The following ITSN1 variants were observed in gnomAD, a reference collection of about 807,000 sequenced individuals.
ITSN1 encodes the protein intersectin-1.
In ITSN1, 58 loss-of-function variants were observed where a neutral mutation model predicts 239.8. The observed-to-expected ratio is 0.24, with a 90% confidence interval of 0.20 to 0.30. The LOEUF is 0.30. Ranked by LOEUF, ITSN1 falls within the 10% of genes least tolerant of loss-of-function variation. The pLI is 1.00. For missense variants in ITSN1, 1,558 were observed against 2,103.3 expected, an observed-to-expected ratio of 0.74 and a Z score of 5.07; for synonymous variants, 780 against 770.8, an observed-to-expected ratio of 1.01 and a Z score of -0.20.
At chr21:33,813,498 G>A (rs1026745191) in intron 21 of ITSN1, among the ~76,000 whole-genome samples, 2 of 151,370 alleles carry the variant, frequency 1.3e-5, no homozygotes, top group African/African-American at 4.9e-5. Context: ...GATTACAGGG[G>A]TGCGCCACCA....
chr21:33,884,887 C>G (rs745979190), intron 36 of ITSN1, among the ~76,000 whole-genome samples, 154 bp from the exon 37 acceptor site: 1 of 152,186 alleles, frequency 6.6e-6, no homozygotes, highest in Non-Finnish European at 1.5e-5. Context: ...TAAGTATTAG[C>G]GTCACGTGAC....
rs2067835126 is a variant in ITSN1, at chr21:33,755,366, T to C, written c.693T>C (p.Ser231=). Residue 231 remains serine, a synonymous_variant, in exon 8 of 40, where the codon AGT becomes AGC. Transcript: ENST00000381318. ...SRLKYRQLFN[S]HDKTMSGHLT... Reference sequence around the variant, plus strand: ...TGAAATACAGGCAATTATTCAATAGTCATGACAAAACTATGAGTGGACACT... The same window carrying C: ...TGAAATACAGGCAATTATTCAATAGCCATGACAAAACTATGAGTGGACACT... 6.2e-7 allele frequency: 1 copy of C among 1,606,284 alleles called. No homozygotes were observed. Among genetic ancestry groups the C allele is most frequent in the South Asian group, 1.1e-5 (1 of 90,310 alleles).
rs76884806 is a variant in ITSN1 at position 33,722,509 on chromosome 21, G to T, written c.122-79G>T. On this transcript the variant is annotated intron_variant, in intron 3 of 39. Transcript: ENST00000381318. ...TATTACCAGCCTCTTTGTAAATTTT[G>T]TAATTTTGCTATTACAGGATTTCTG... The T allele has an allele frequency of 1.5e-3, 2,151 of 1,457,414 alleles. 31 individuals carry two copies. The African/African-American group carries it at 0.029, about 19-fold the overall frequency. 90.3% of individuals were successfully genotyped at this position (1,457,414 alleles called of 1,614,324 possible). A position where few individuals can be genotyped will look rare whatever the true frequency, so the allele number is the denominator to read the frequency against.
At chr21:33,777,171 G>T (rs959831136) in intron 14 of ITSN1, among the ~76,000 whole-genome samples, 1 of 152,130 alleles carries the variant, frequency 6.6e-6, no homozygotes, top group Non-Finnish European at 1.5e-5. Context: ...AAAGGTTGAG[G>T]TTTATATTTT....
chr21:33,879,703 A>G (rs732687), intron 34 of ITSN1, among the ~76,000 whole-genome samples: 89,284 of 151,992 alleles, frequency 0.59, 27,218 homozygotes, highest in African/African-American at 0.76. Context: ...TTTTTGAGAC[A>G]GAGTCTCACT....
At chr21:33,848,107 T>A (rs2075040575) in intron 29 of ITSN1, among the ~76,000 whole-genome samples, 1 of 152,210 alleles carries the variant, frequency 6.6e-6, no homozygotes, top group Non-Finnish European at 1.5e-5. Context: ...AGCCAGCGCC[T>A]CCTCGACTGG....
chr21:33,724,800 A>G (rs1334977856), intron 4 of ITSN1, among the ~76,000 whole-genome samples: 1 of 151,772 alleles, frequency 6.6e-6, no homozygotes, highest in Non-Finnish European at 1.5e-5. Flanking sequence ...AATAAAATAC[A>G]CTCTAATGAA....
chr21:33,895,533 G>C lies in ITSN1; in HGVS notation c.*7233G>C, dbSNP rs1383532217. 8 of 147,430 alleles carry C rather than the reference G, an allele frequency of 5.4e-5. No individual in the cohort carries two copies. The East Asian group carries it at 1.7e-3, about 32-fold the overall frequency. 9.1% of individuals were successfully genotyped at this position (147,430 alleles called of 1,614,324 possible). A position where few individuals can be genotyped will look rare whatever the true frequency, so the allele number is the denominator to read the frequency against. ...CGTGTTTGTGTGTGCATGTGTGTGT[G>C]TCTACGTGTGTGTGCACGCATGTGT... On this transcript the variant is annotated 3_prime_UTR_variant, in exon 40 of 40. Transcript: ENST00000381318.
At chr21:33,764,834 C>A (rs1569129376) in intron 9 of ITSN1, among the ~76,000 whole-genome samples, 1 of 152,202 alleles carries the variant, frequency 6.6e-6, no homozygotes, top group African/African-American at 2.4e-5. Context: ...AAATCACATT[C>A]TTGGACTTGC....
chr21:33,721,972 A>G (rs1424789309), intron 3 of ITSN1: 1 of 146,496 alleles, frequency 6.8e-6, no homozygotes, highest in African/African-American at 2.5e-5. Flanking sequence ...CAATGGCGTG[A>G]TCTCGGCTCA....
intron 1 of ITSN1, among the ~76,000 whole-genome samples, chr21:33,688,848 C>T (rs1185158272): frequency 6.6e-6 from 1 of 151,560 alleles, no homozygotes; most frequent in African/African-American, 2.4e-5. Flanking sequence ...CTCCTGTCAC[C>T]CAGGCTGGAG....
At chr21:33,771,117 T>C (rs1390531001) in intron 11 of ITSN1, among the ~76,000 whole-genome samples, 1 of 152,180 alleles carries the variant, frequency 6.6e-6, no homozygotes, top group African/African-American at 2.4e-5. Flanking sequence ...TCCTCTGAAA[T>C]CACCAAAGGT....
chr21:33,812,222 A>G (rs894809035), intron 21 of ITSN1, among the ~76,000 whole-genome samples: 4 of 152,194 alleles, frequency 2.6e-5, no homozygotes, highest in Admixed American at 1.3e-4. Flanking sequence ...TTGACTGAAA[A>G]GTTCTGAGTT....
At chr21:33,843,388 G>A (rs958041388) in intron 29 of ITSN1, among the ~76,000 whole-genome samples, 4 of 152,126 alleles carry the variant, frequency 2.6e-5, no homozygotes, top group African/African-American at 9.7e-5. Flanking sequence ...CATTTTCAAC[G>A]CACAAGCTTC....
intron 1 of ITSN1, among the ~76,000 whole-genome samples, chr21:33,687,037 T>C (rs2091276058): frequency 6.6e-6 from 1 of 152,144 alleles, no homozygotes; most frequent in South Asian, 2.1e-4. Flanking sequence ...AGTTAAAGAA[T>C]TTTCAAGCCT....
At chr21:33,672,994 G>GCAC (rs1362256666) in intron 1 of ITSN1, among the ~76,000 whole-genome samples, 2 of 152,130 alleles carry the variant, frequency 1.3e-5, no homozygotes, top group African/African-American at 4.8e-5. Flanking sequence ...CGGGCGGGAG[G>GCAC]CACCACGCCT....
At chr21:33,819,002 A>G (rs1311620640) in intron 23 of ITSN1, among the ~76,000 whole-genome samples, 1 of 152,242 alleles carries the variant, frequency 6.6e-6, no homozygotes, top group African/African-American at 2.4e-5. Context: ...GCCTTGAAAT[A>G]AACTAGTACA....
At chr21:33,827,388 A>G (rs750457939) in intron 26 of ITSN1, among the ~76,000 whole-genome samples, 1 of 152,150 alleles carries the variant, frequency 6.6e-6, no homozygotes, top group Non-Finnish European at 1.5e-5. Flanking sequence ...CGATAGAACA[A>G]GACTCTATCT....
At chr21:33,835,061 G>A (rs1451299287) in intron 28 of ITSN1, among the ~76,000 whole-genome samples, 1 of 152,202 alleles carries the variant, frequency 6.6e-6, no homozygotes, top group Non-Finnish European at 1.5e-5. Flanking sequence ...GCAGATTTCT[G>A]CTTTAGGTCT....
Sources: allele counts gnomAD v4.1 joint callset (sites outside exome capture counted in the v4.1 genomes callset), GRCh38; gene constraint gnomAD v4.1.1; transcripts MANE v1.5; gene names NCBI Gene and HGNC (gene_info 2026-07-23, HGNC 2026-07-21).